DCLK1: variants seen among roughly 807,000 people sequenced by gnomAD.
The protein encoded by DCLK1 is doublecortin like kinase 1, also known as serine/threonine-protein kinase DCLK1.
In DCLK1, 16 loss-of-function variants were observed where a neutral mutation model predicts 86.2. The observed-to-expected ratio is 0.19, with a 90% CI of 0.13 to 0.28. The LOEUF (loss-of-function observed/expected upper bound fraction) is 0.28, where lower values mean the gene tolerates loss of function less well. DCLK1 is among the 10% of genes least tolerant of loss of function. DCLK1 has a pLI of 1.00. For synonymous variants in DCLK1, 369 were observed against 370.5 expected, an observed-to-expected ratio of 1.00 and a Z score of 0.05; for missense variants, 590 against 940.2, an observed-to-expected ratio of 0.63 and a Z score of 4.87.
chr13:36,065,125 C>T (rs893935330), intron 3 of DCLK1, among the ~76,000 whole-genome samples: 1 of 152,196 alleles, frequency 6.6e-6, no homozygotes, highest in African/African-American at 2.4e-5. Context: ...TCTGTGCCAT[C>T]TAATGTCTAG....
intron 4 of DCLK1, among the ~76,000 whole-genome samples, chr13:35,902,484 G>A (rs1171847718): frequency 6.6e-6 from 1 of 152,226 alleles, no homozygotes; most frequent in Non-Finnish European, 1.5e-5. Flanking sequence ...AAGGAAAATG[G>A]TAGAGGTGAT....
chr13:35,809,347 A>C (rs1279822514), intron 12 of DCLK1, among the ~76,000 whole-genome samples: 2 of 152,248 alleles, frequency 1.3e-5, no homozygotes, highest in Non-Finnish European at 1.5e-5. Context: ...CTTATTTGTA[A>C]ATATCAGTAA....
At chr13:35,987,374 G>A (rs1280596771) in intron 3 of DCLK1, among the ~76,000 whole-genome samples, 3 of 152,296 alleles carry the variant, frequency 2.0e-5, no homozygotes, top group African/African-American at 4.8e-5. Flanking sequence ...AGGCAAGGGG[G>A]AGACTTCTGT....
intron 3 of DCLK1, among the ~76,000 whole-genome samples, chr13:35,950,108 C>T (rs1877585762): frequency 6.6e-6 from 1 of 152,206 alleles, no homozygotes; most frequent in Non-Finnish European, 1.5e-5. Context: ...CACTTTCCTG[C>T]TCACAACTTC....
intron 3 of DCLK1, among the ~76,000 whole-genome samples, chr13:36,064,659 TA>T (rs5802801): frequency 6.4e-4 from 90 of 141,410 alleles, no homozygotes; most frequent in African/African-American, 6.9e-4. Context: ...CTCCGTCTAT[TA>T]AAAAAAAAAA....
intron 3 of DCLK1, among the ~76,000 whole-genome samples, chr13:36,110,206 C>A (rs548269318): frequency 6.6e-6 from 1 of 152,106 alleles, no homozygotes; most frequent in African/African-American, 2.4e-5. Context: ...AGAAATGGAG[C>A]CAGTGAAGGG....
intron 3 of DCLK1, among the ~76,000 whole-genome samples, chr13:35,988,460 G>A (rs1880050914): frequency 6.6e-6 from 1 of 152,328 alleles, no homozygotes; most frequent in Non-Finnish European, 1.5e-5. Flanking sequence ...ATGTGGCCCA[G>A]CCAGATGCCA....
At chr13:36,113,312 A>G (rs1266397579) in intron 2 of DCLK1, among the ~76,000 whole-genome samples, 1 of 152,192 alleles carries the variant, frequency 6.6e-6, no homozygotes, top group Non-Finnish European at 1.5e-5. Context: ...GCAGTTATAC[A>G]TGTTACTGAA....
chr13:35,793,151 G>A (rs2086737899), intron 16 of DCLK1, among the ~76,000 whole-genome samples: 1 of 152,258 alleles, frequency 6.6e-6, no homozygotes, highest in Admixed American at 6.5e-5. Context: ...AAGACACCCT[G>A]GAGGTGTTGG....
chr13:35,913,294 A>C (rs962570053), intron 4 of DCLK1, among the ~76,000 whole-genome samples: 8 of 152,056 alleles, frequency 5.3e-5, no homozygotes, highest in African/African-American at 1.9e-4. Flanking sequence ...GGATACTTAA[A>C]AGATAAGGAA....
intron 6 of DCLK1, chr13:35,847,202 A>T: frequency 1.0e-6 from 1 of 983,102 alleles, no homozygotes; most frequent in Non-Finnish European, 1.2e-6. Context: ...GCTGAATTTC[A>T]ATTTTTTTAT....
chr13:35,861,511 C>A (rs1871380548), intron 5 of DCLK1, among the ~76,000 whole-genome samples: 2 of 152,270 alleles, frequency 1.3e-5, no homozygotes, highest in Admixed American at 6.5e-5. Flanking sequence ...AAATCACACT[C>A]CCAGACCAGG....
chr13:35,996,867 TGA>T (rs1204596345), intron 3 of DCLK1, among the ~76,000 whole-genome samples: 1 of 152,210 alleles, frequency 6.6e-6, no homozygotes, highest in Non-Finnish European at 1.5e-5. Flanking sequence ...CATTTAATAC[TGA>T]GAGTGAGCAT....
intron 2 of DCLK1, among the ~76,000 whole-genome samples, chr13:36,119,387 T>A (rs1232202488): frequency 6.6e-6 from 1 of 152,180 alleles, no homozygotes; most frequent in African/African-American, 2.4e-5. Flanking sequence ...TAGTAATAAC[T>A]GCTATAGGCA....
At chr13:35,817,149 C>T (rs2087287097) in intron 11 of DCLK1, among the ~76,000 whole-genome samples, 1 of 152,156 alleles carries the variant, frequency 6.6e-6, no homozygotes, top group Non-Finnish European at 1.5e-5. Context: ...GTGAATTAGA[C>T]AAACACAGAC....
intron 4 of DCLK1, among the ~76,000 whole-genome samples, chr13:35,893,565 A>G (rs9574810): frequency 0.061 from 9,308 of 152,160 alleles, 323 homozygotes; most frequent in South Asian, 0.13. Context: ...TCTGCACCTG[A>G]CCTCCTGTGA....
intron 4 of DCLK1, among the ~76,000 whole-genome samples, chr13:35,907,824 C>T (rs369286879): frequency 3.9e-5 from 5 of 128,426 alleles, no homozygotes; most frequent in African/African-American, 1.4e-4. Flanking sequence ...TTCAATTTTA[C>T]ATCTATGAAA....
intron 16 of DCLK1, among the ~76,000 whole-genome samples, chr13:35,785,691 C>T (rs896395307): frequency 2.0e-5 from 3 of 152,106 alleles, no homozygotes; most frequent in African/African-American, 4.8e-5. Context: ...AAAGCAAGCG[C>T]GACTCCCAAG....
At chr13:35,978,893 C>G (rs1158324121) in intron 3 of DCLK1, among the ~76,000 whole-genome samples, 2 of 152,154 alleles carry the variant, frequency 1.3e-5, no homozygotes, top group Non-Finnish European at 2.9e-5. Flanking sequence ...AACTCCCAAA[C>G]AGAATACACA....
Sources: allele counts gnomAD v4.1 joint callset (sites outside exome capture counted in the v4.1 genomes callset), GRCh38; gene constraint gnomAD v4.1.1; transcripts MANE v1.5; gene names NCBI Gene and HGNC (gene_info 2026-07-23, HGNC 2026-07-21).